The following AP5Z1 variants were observed in gnomAD, a reference collection of about 807,000 sequenced individuals.
The protein encoded by AP5Z1 is adaptor related protein complex 5 subunit zeta 1.
In AP5Z1, 106 loss-of-function variants were observed where a neutral mutation model predicts 83.0. The observed-to-expected ratio is 1.28, with a 90% CI of 1.09 to 1.50. The LOEUF (loss-of-function observed/expected upper bound fraction) is 1.50, where lower values mean the gene tolerates loss of function less well. AP5Z1 is among the 40% of genes most tolerant of loss of function. AP5Z1 has a pLI of 0.00. For synonymous variants in AP5Z1, 751 were observed against 514.1 expected, an observed-to-expected ratio of 1.46 and a Z score of -6.23; for missense variants, 1,565 against 1,094.2, an observed-to-expected ratio of 1.43 and a Z score of -6.07.
chr7:4,783,575 A>G (rs1327559082), intron 4 of AP5Z1, 114 bp from the exon 5 acceptor site: 2 of 1,536,224 alleles, frequency 1.3e-6, no homozygotes, highest in Non-Finnish European at 1.8e-6. Flanking sequence ...GGGAGGCCCG[A>G]GGGTTTGGGA....
intron 14 of AP5Z1, 111 bp from the exon 15 acceptor site, chr7:4,790,348 A>G: frequency 6.4e-7 from 1 of 1,566,986 alleles, no homozygotes; most frequent in Non-Finnish European, 8.6e-7. Context: ...CGGAGGGTGC[A>G]GCATACACCT....
chr7:4,782,012 C>T (rs981113031), intron 3 of AP5Z1, among the ~76,000 whole-genome samples: 21 of 152,122 alleles, frequency 1.4e-4, no homozygotes, highest in African/African-American at 4.8e-4. Flanking sequence ...CTTGAGACAG[C>T]GAGTCAGTGG....
In AP5Z1 at chr7:4,789,927, C is replaced by G. The variant is rs1562413667; in HGVS notation, c.1803C>G (p.His601Gln). The part of the protein sequence containing the change: ...YPAPGYAAGV[H>Q]SVLSSQFLAL... Reference sequence around the variant, plus strand: ...CCCCAGGGTACGCTGCCGGTGTGCACAGGTAGGTCCCTCCTGCGCTCCTGC... The same window carrying G: ...CCCCAGGGTACGCTGCCGGTGTGCAGAGGTAGGTCCCTCCTGCGCTCCTGC... Residue 601 changes from histidine (H) to glutamine (Q), a missense_variant and splice_region_variant, in exon 14 of 17, where the codon CAC (histidine) becomes CAG (glutamine). By Grantham distance (24) the His-to-Gln change is conservative. Transcript: ENST00000649063. 2.0e-6 allele frequency: 3 copies of G among 1,537,010 alleles called. No individual in the cohort carries two copies. The highest frequency in any genetic ancestry group is 2.6e-6 in the Non-Finnish European group (3 of 1,138,370).
intron 5 of AP5Z1, 90 bp downstream of exon 5, chr7:4,783,888 C>A (rs1583230897): frequency 7.3e-7 from 1 of 1,362,526 alleles, no homozygotes. Flanking sequence ...GCGAGGCCTG[C>A]TGTCGTTCCG....
chr7:4,784,886 TGA>T lies in AP5Z1; in HGVS notation c.791-18_791-17del, dbSNP rs1229072397. 2 of 1,601,948 alleles carry T rather than the reference TGA, an allele frequency of 1.2e-6. No homozygotes were observed. Among genetic ancestry groups the T allele is most frequent in the Non-Finnish European group, 1.7e-6 (2 of 1,172,490 alleles). ...GCCCGGGAGCCACACGTCAGCCTGC[TGA>T]GAGTTCCCACCTCCCGCAGATGACA... On this transcript the variant is annotated intron_variant, in intron 6 of 16. Transcript: ENST00000649063.
intron 1 of AP5Z1, among the ~76,000 whole-genome samples, chr7:4,776,621 G>C (rs1781236899): frequency 6.6e-6 from 1 of 151,460 alleles, no homozygotes; most frequent in South Asian, 2.1e-4. Flanking sequence ...TGTAATCCCA[G>C]CTACTCGGGA....
rs374699974 is a variant in AP5Z1, at chr7:4,791,353, G to A, written c.2392G>A (p.Val798Met). The change falls in exon 17 of 17, where the codon GTG (valine) becomes ATG (methionine). Residue 798 changes from valine to methionine, a missense_variant. Transcript: ENST00000649063. ...GGCCCTGCGCACGGTCAGCCGGCTG[G>A]TGGAGAGGGAGGCCGGCCTCATGCC... ...PLALRTVSRL[V>M]EREAGLMPG 5 of 1,608,794 alleles carry A rather than the reference G, an allele frequency of 3.1e-6. No individual in the cohort carries two copies. Among genetic ancestry groups the A allele is most frequent in the Non-Finnish European group, 4.2e-6 (5 of 1,178,160 alleles).
At position 4,791,382 on chromosome 7, in the gene AP5Z1, G is replaced by T. The variant is rs1268334563; in HGVS notation, c.2421G>T (p.Gly807=). Residue 807 remains glycine, a synonymous_variant, in exon 17 of 17, where the codon GGG becomes GGT. Coordinates refer to ENST00000649063, the MANE Select transcript of AP5Z1 (RefSeq NM_014855.3). ...AGAGGGAGGCCGGCCTCATGCCAGGGTGAAGGGACAGTGGCCAGGGACTTC... is the reference window on the plus strand; with the variant it reads ...AGAGGGAGGCCGGCCTCATGCCAGGTTGAAGGGACAGTGGCCAGGGACTTC... The part of the protein sequence containing the change: ...LVEREAGLMP[G] 4 of 1,603,992 alleles carry T rather than the reference G, an allele frequency of 2.5e-6. No homozygotes were observed. Among genetic ancestry groups the T allele is most frequent in the Middle Eastern group, 1.7e-4 (1 of 5,848 alleles).
Position 4,789,202 on chromosome 7 carries a change from A to C in AP5Z1, c.1707+251A>C, listed in dbSNP as rs575261480. On this transcript the variant is annotated intron_variant, in intron 13 of 16. Transcript: ENST00000649063. ...CCCATCCCCTTCATCCCGGCAGGCCACGTCCCCCAATCCCCGTCCCATCCC... is the reference window on the plus strand; with the variant it reads ...CCCATCCCCTTCATCCCGGCAGGCCCCGTCCCCCAATCCCCGTCCCATCCC... Among the ~76,000 whole-genome samples, 77 of 107,298 alleles carry C rather than the reference A, an allele frequency of 7.2e-4. 2 individuals are homozygous for C. The South Asian group carries it at 0.017, about 24-fold the overall frequency. The allele number at this position is 107,298 out of a possible 152,430, so 70.4% of individuals were successfully genotyped here.
rs1346945818 is a variant in AP5Z1 at position 4,788,290 on chromosome 7, G to T, written c.1591G>T (p.Glu531Ter). ...GCGCCCCAAGGCCAGTGGCGCCACT[G>T]AGAGGTACGGGGCCCTAGGGCCAGG... The part of the protein sequence containing the change: ...LLRPKASGAT[E>*]RLAPLHQLLQ... Residue 531 changes from glutamate (E) to a stop codon, truncating the protein, a stop_gained, in exon 12 of 17, where the codon GAG (glutamate) becomes TAG (stop). Transcript: ENST00000649063. LOFTEE classifies it high-confidence loss of function. The T allele has an allele frequency of 6.3e-7, 1 of 1,589,880 alleles. No individual in the cohort carries two copies.
rs1158367720 is a variant in AP5Z1, at chr7:4,789,890, C to CG, written c.1767dup (p.Leu590AlafsTer173). 2 of 1,551,464 alleles carry CG rather than the reference C, an allele frequency of 1.3e-6. No individual in the cohort carries two copies. The highest frequency in any genetic ancestry group is 1.7e-6 in the Non-Finnish European group (2 of 1,147,730). On this transcript the variant is annotated frameshift_variant, in exon 14 of 17. Transcript: ENST00000649063. LOFTEE classifies it high-confidence loss of function. ...CTGCTGCTCCTGGGCAGGAGCGACT[C>CG]GCTCTACCCGGCCCCAGGGTACGCT...
chr7:4,787,113 C>T (rs571061447), intron 10 of AP5Z1, among the ~76,000 whole-genome samples: 16 of 152,242 alleles, frequency 1.1e-4, no homozygotes, highest in South Asian at 6.2e-4. Flanking sequence ...AGCCTCGCCT[C>T]GCTGTAAGGT....
In AP5Z1 at chr7:4,784,966, C is replaced by T. The variant is rs572271008; in HGVS notation, c.849C>T (p.Ala283=). The part of the protein sequence containing the change: ...TLSVISATSS[A]GRLLPPRERL... ...CGGTGATCTCCGCCACCTCCTCTGC[C>T]GGCCGCCTGCTGCCGCCCCGGGAGC... The change falls in exon 7 of 17, where the codon GCC becomes GCT. Residue 283 remains alanine (A), a synonymous_variant. Coordinates refer to ENST00000649063, the MANE Select transcript of AP5Z1 (RefSeq NM_014855.3). 3.9e-4 allele frequency: 624 copies of T among 1,612,050 alleles called. No homozygotes were observed. Among genetic ancestry groups the T allele is most frequent in the Admixed American group, 9.7e-4 (58 of 59,946 alleles).
chr7:4,780,780 T>C (rs541263774), intron 1 of AP5Z1, among the ~76,000 whole-genome samples: 36 of 152,004 alleles, frequency 2.4e-4, no homozygotes, highest in Non-Finnish European at 4.1e-4. Flanking sequence ...AAAAAAAAAA[T>C]TTATTCTTGT....
intron 9 of AP5Z1, 133 bp from the exon 10 acceptor site, chr7:4,786,117 G>T: frequency 1.1e-6 from 1 of 883,540 alleles, no homozygotes; most frequent in Non-Finnish European, 1.6e-6. Context: ...CTTCCCCAGC[G>T]TCCCAGCGTA....
intron 12 of AP5Z1, 65 bp downstream of exon 12, chr7:4,788,359 G>A (rs992537208): frequency 6.7e-6 from 10 of 1,493,920 alleles, no homozygotes; most frequent in Middle Eastern, 2.4e-4. Context: ...CCACTGGGGT[G>A]GGGCTCACTG....
Position 4,790,764 on chromosome 7 carries a change from T to A in AP5Z1, c.2030T>A (p.Leu677Gln), listed in dbSNP as rs776422657. The change falls in exon 16 of 17, where the codon CTG becomes CAG. Residue 677 changes from leucine (L) to glutamine (Q), a missense_variant. Physicochemically the swap from Leu to Gln is moderately radical, Grantham distance 113. Transcript: ENST00000649063. ...INKFFEALEA[L>Q]LFEVTQCRPS... is the part of the protein sequence containing the mutation. The stretch of plus-strand genomic sequence containing the variant: ...AAGTTCTTCGAAGCCCTGGAGGCTC[T>A]GCTATTCGAGGTCACCCAGTGCCGC... The A allele has an allele frequency of 1.2e-6, 2 of 1,609,114 alleles. No individual in the cohort carries two copies. The highest frequency in any genetic ancestry group is 2.2e-5 in the South Asian group (2 of 90,270).
chr7:4,789,761 T>A (rs1259521881), intron 13 of AP5Z1, 71 bp from the exon 14 acceptor site: 1 of 1,270,566 alleles, frequency 7.9e-7, no homozygotes, highest in South Asian at 1.3e-5. Flanking sequence ...GCCCTCACCA[T>A]GGCTTCACCC....
At position 4,783,475 on chromosome 7, in the gene AP5Z1, T is replaced by C. The variant is rs1781441758; in HGVS notation, c.511+15T>C. The C allele has an allele frequency of 6.3e-7, 1 of 1,593,076 alleles. No homozygotes were observed. Among genetic ancestry groups the C allele is most frequent in the African/African-American group, 1.4e-5 (1 of 73,988 alleles). On this transcript the variant is annotated intron_variant, in intron 4 of 16. Transcript: ENST00000649063. ...CCTCCAGGAGGGTACGCGGGGCCCC[T>C]CCCAAGAGGCTGTTGGGGGTCTGCC...
Sources: allele counts gnomAD v4.1 joint callset (sites outside exome capture counted in the v4.1 genomes callset), GRCh38; gene constraint gnomAD v4.1.1; transcripts MANE v1.5; gene names NCBI Gene and HGNC (gene_info 2026-07-23, HGNC 2026-07-21).